Variants in SFXN1 observed in about 807,000 individuals in gnomAD.
The protein encoded by SFXN1 is sideroflexin 1, also known as sideroflexin-1.
A neutral mutation model predicts 39.5 loss-of-function variants in SFXN1; 32 were observed. The observed-to-expected ratio is 0.81, with a 90% CI of 0.61 to 1.09. The LOEUF (loss-of-function observed/expected upper bound fraction) is 1.09, where lower values mean the gene tolerates loss of function less well. Among genes scored for constraint, SFXN1 ranks in the 50% least tolerant of loss-of-function variants. The pLI is 0.00. For synonymous variants in SFXN1, 136 were observed against 146.5 expected, an observed-to-expected ratio of 0.93 and a Z score of 0.52; for missense variants, 402 against 407.1, an observed-to-expected ratio of 0.99 and a Z score of 0.11.
At chr5:175,485,602 T>C (rs1759420796) in intron 1 of SFXN1, among the ~76,000 whole-genome samples, 1 of 152,246 alleles carries the variant, frequency 6.6e-6, no homozygotes, top group South Asian at 2.1e-4. Context: ...CCCTGCACCA[T>C]GTGAGGTAAC....
intron 2 of SFXN1, among the ~76,000 whole-genome samples, chr5:175,500,260 T>C (rs942230837): frequency 6.6e-5 from 10 of 151,986 alleles, no homozygotes; most frequent in Non-Finnish European, 1.2e-4. Flanking sequence ...AAGATCAATA[T>C]ACAAAAATCA....
chr5:175,486,796 A>G (rs1011022150), intron 1 of SFXN1, among the ~76,000 whole-genome samples: 3 of 152,158 alleles, frequency 2.0e-5, no homozygotes, highest in Non-Finnish European at 2.9e-5. Flanking sequence ...TAAATAAATA[A>G]TAAAGTAACC....
intron 2 of SFXN1, among the ~76,000 whole-genome samples, chr5:175,504,301 G>A (rs1353583910): frequency 1.3e-5 from 2 of 151,788 alleles, no homozygotes; most frequent in African/African-American, 2.4e-5. Flanking sequence ...TCGGCCAGGC[G>A]AGGTGGCTCA....
chr5:175,487,193 C>T (rs1402069583), intron 1 of SFXN1, among the ~76,000 whole-genome samples: 1 of 152,174 alleles, frequency 6.6e-6, no homozygotes, highest in Non-Finnish European at 1.5e-5. Context: ...TGCTGAATCC[C>T]ACGCCCAGCC....
rs1218011242 is a variant in SFXN1, at chr5:175,494,830, T to C, written c.164+2563T>C. ...CTCTTCATAAACCCTTCTTGGGTGGTCAAAAGATAATACCAAATAGAGTTA... is the reference window on the plus strand; with the variant it reads ...CTCTTCATAAACCCTTCTTGGGTGGCCAAAAGATAATACCAAATAGAGTTA... On this transcript the variant is annotated intron_variant, in intron 2 of 10. Coordinates refer to ENST00000321442, the MANE Select transcript of SFXN1 (RefSeq NM_022754.7). 2.0e-5 allele frequency among the ~76,000 whole-genome samples: 3 copies of C among 151,070 alleles called. 1 individual carries two copies. The highest frequency in any genetic ancestry group is 7.3e-5 in the African/African-American group (3 of 41,056).
At chr5:175,489,331 C>T (rs769584451) in intron 1 of SFXN1, among the ~76,000 whole-genome samples, 2 of 152,152 alleles carry the variant, frequency 1.3e-5, no homozygotes, top group African/African-American at 2.4e-5. Flanking sequence ...GAGTAATACA[C>T]GTAATTGTAA....
intron 8 of SFXN1, 84 bp downstream of exon 8, chr5:175,516,747 A>G: frequency 7.1e-7 from 1 of 1,406,026 alleles, no homozygotes; most frequent in Non-Finnish European, 9.8e-7. Context: ...TGCTACCTAA[A>G]CAGTAAAGAA....
chr5:175,483,267 G>T (rs1213093265), intron 1 of SFXN1, among the ~76,000 whole-genome samples: 1 of 152,288 alleles, frequency 6.6e-6, no homozygotes, highest in Admixed American at 6.5e-5. Flanking sequence ...CGACATCATT[G>T]TGAGAATGTC....
intron 7 of SFXN1, among the ~76,000 whole-genome samples, chr5:175,515,440 A>C (rs1000037758): frequency 2.6e-5 from 4 of 152,236 alleles, no homozygotes; most frequent in Non-Finnish European, 5.9e-5. Context: ...CCAGAGAAGA[A>C]ATACAATCTT....
At chr5:175,499,890 A>G (rs886683600) in intron 2 of SFXN1, among the ~76,000 whole-genome samples, 2 of 152,240 alleles carry the variant, frequency 1.3e-5, no homozygotes, top group East Asian at 1.9e-4. Context: ...GATCATCTAT[A>G]TAGAAAGAAT....
rs1761110057 is a variant in SFXN1, at chr5:175,527,767, T to G, written c.*1033T>G. The G allele has an allele frequency of 2.0e-5, 3 of 152,218 alleles. No homozygotes were observed. The allele number at this position is 152,218 out of a possible 1,614,324, so 9.4% of individuals were successfully genotyped here. On this transcript the variant is annotated 3_prime_UTR_variant, in exon 11 of 11. Coordinates refer to ENST00000321442, the MANE Select transcript of SFXN1 (RefSeq NM_022754.7). ...TGAAAATAATGAAACCATGTACCAC[T>G]GTTTACATCATCTGTAGTGATTTCA...
intron 7 of SFXN1, among the ~76,000 whole-genome samples, chr5:175,515,950 G>A (rs991215896): frequency 6.6e-6 from 1 of 152,130 alleles, no homozygotes; most frequent in Non-Finnish European, 1.5e-5. Flanking sequence ...CAGATCATCA[G>A]GCACTAGATT....
At chr5:175,516,739 C>A in intron 8 of SFXN1, 76 bp downstream of exon 8, 4 of 1,461,686 alleles carry the variant, frequency 2.7e-6, no homozygotes, top group South Asian at 2.5e-5. Flanking sequence ...AGATTATTTG[C>A]TACCTAAACA....
rs777055465 is a variant in SFXN1 at position 175,509,200 on chromosome 5, C to T, written c.333C>T (p.Tyr111=). The T allele has an allele frequency of 1.2e-6, 2 of 1,611,060 alleles. No homozygotes were observed. The highest frequency in any genetic ancestry group is 1.7e-6 in the Non-Finnish European group (2 of 1,178,776). The part of the protein sequence containing the change: ...MTITGCMMTF[Y]RTTPAVLFWQ... ...TCACAGGTTGTATGATGACGTTTTA[C>T]AGGTATGTTATGAATATGTAGCAAC... The change falls in exon 3 of 11, where the codon TAC becomes TAT. Residue 111 remains tyrosine (Y), a splice_region_variant and synonymous_variant. Transcript: ENST00000321442.
chr5:175,528,144 C>T lies in SFXN1; in HGVS notation c.*1410C>T, dbSNP rs1045997507. The T allele has an allele frequency of 4.7e-4, 72 of 152,052 alleles. No homozygotes were observed. Among genetic ancestry groups the T allele is most frequent in the African/African-American group, 1.6e-3 (65 of 41,494 alleles). The allele number at this position is 152,052 out of a possible 1,614,324, so 9.4% of individuals were successfully genotyped here. On this transcript the variant is annotated 3_prime_UTR_variant, in exon 11 of 11. Transcript: ENST00000321442. ...CACTGTGGTCTCGATCTCCTGACCT[C>T]GTGATCCGCCCGCCTTGGCCTCCCA...
At chr5:175,520,640 C>T (rs941733379) in intron 8 of SFXN1, among the ~76,000 whole-genome samples, 6 of 152,132 alleles carry the variant, frequency 3.9e-5, no homozygotes, top group Non-Finnish European at 8.8e-5. Flanking sequence ...AACAGGTTAG[C>T]CCAGTTTGCT....
intron 1 of SFXN1, among the ~76,000 whole-genome samples, chr5:175,487,134 A>G (rs6864940): frequency 0.051 from 7,789 of 152,226 alleles, 296 homozygotes; most frequent in African/African-American, 0.1. Context: ...GGCCTCATGT[A>G]CAGCCACAGC....
intron 2 of SFXN1, among the ~76,000 whole-genome samples, chr5:175,502,707 G>T (rs1306137900): frequency 6.6e-6 from 1 of 152,146 alleles, no homozygotes; most frequent in Admixed American, 6.5e-5. Flanking sequence ...CGGGCATGGT[G>T]GCACATGCCT....
At chr5:175,503,111 T>C (rs1384263813) in intron 2 of SFXN1, among the ~76,000 whole-genome samples, 1 of 152,158 alleles carries the variant, frequency 6.6e-6, no homozygotes, top group East Asian at 1.9e-4. Flanking sequence ...AAGGGAACTG[T>C]TGGAGACATG....
Sources: allele counts gnomAD v4.1 joint callset (sites outside exome capture counted in the v4.1 genomes callset), GRCh38; gene constraint gnomAD v4.1.1; transcripts MANE v1.5; gene names NCBI Gene and HGNC (gene_info 2026-07-23, HGNC 2026-07-21).